XYLT1: variants seen among roughly 807,000 people sequenced by gnomAD.
XYLT1 encodes the protein xylosyltransferase 1, also known as beta-D-xylosyltransferase 1.
XYLT1 carries 36 observed loss-of-function variants against 91.3 expected under a neutral mutation model. The ratio of observed to expected loss-of-function variants is 0.39; its 90% CI spans 0.30 to 0.52. XYLT1 has a LOEUF of 0.52. XYLT1 is among the 20% of genes least tolerant of loss of function. The pLI is 0.68. For missense variants in XYLT1, 1,242 were observed against 1,284.5 expected, an observed-to-expected ratio of 0.97 and a Z score of 0.51; for synonymous variants, 588 against 532.0, an observed-to-expected ratio of 1.11 and a Z score of -1.45.
intron 1 of XYLT1, among the ~76,000 whole-genome samples, chr16:17,363,625 C>T (rs753591384): frequency 1.1e-4 from 17 of 152,148 alleles, no homozygotes; most frequent in Non-Finnish European, 4.4e-5. Context: ...CTGCAACCTC[C>T]GCCTCCTGGG....
chr16:17,461,689 T>C (rs1187545453), intron 1 of XYLT1, among the ~76,000 whole-genome samples: 1 of 152,020 alleles, frequency 6.6e-6, no homozygotes, highest in Non-Finnish European at 1.5e-5. Context: ...AATGCATGCA[T>C]AAATAGATGG....
chr16:17,410,087 C>A (rs1387171660), intron 1 of XYLT1, among the ~76,000 whole-genome samples: 1 of 152,174 alleles, frequency 6.6e-6, no homozygotes, highest in Non-Finnish European at 1.5e-5. Context: ...CTGCCACCAC[C>A]AGGCACAGAC....
chr16:17,322,593 G>A (rs2034740866), intron 2 of XYLT1, among the ~76,000 whole-genome samples: 1 of 152,174 alleles, frequency 6.6e-6, no homozygotes. Context: ...CTCTGCACAT[G>A]CTGCTCCTGA....
Position 17,332,595 on chromosome 16 carries a change from C to T in XYLT1, c.402+25417G>A, listed in dbSNP as rs1286422552. On this transcript the variant is annotated intron_variant, in intron 2 of 11. Transcript: ENST00000261381. ...ACACACACACACACACACACACACA[C>T]ACACACACACACACACGGCTTCCTG... Among the ~76,000 whole-genome samples, 4 of 151,424 alleles carry T rather than the reference C, an allele frequency of 2.6e-5. No individual in the cohort carries two copies. The East Asian group carries it at 7.8e-4, about 29-fold the overall frequency.
At chr16:17,336,929 A>G (rs1351747201) in intron 2 of XYLT1, among the ~76,000 whole-genome samples, 1 of 152,214 alleles carries the variant, frequency 6.6e-6, no homozygotes, top group Non-Finnish European at 1.5e-5. Context: ...CATTTTTTTA[A>G]AAGCCCTTGG....
At position 17,454,903 on chromosome 16, in the gene XYLT1, TC is replaced by T. The variant is rs201490419; in HGVS notation, c.363+15530del. Among the ~76,000 whole-genome samples, 133 of 36,986 alleles carry T rather than the reference TC, an allele frequency of 3.6e-3. 7 individuals are homozygous for T. Among genetic ancestry groups the T allele is most frequent in the African/African-American group, 0.017 (93 of 5,378 alleles). 24.3% of individuals were successfully genotyped at this position (36,986 alleles called of 152,430 possible). A position where few individuals can be genotyped will look rare whatever the true frequency, so the allele number is the denominator to read the frequency against. On this transcript the variant is annotated intron_variant, in intron 1 of 11. Transcript: ENST00000261381. ...CGCGTCACAAAATATCATTCTTTCC[TC>T]CCCCCCCCGCCCCCCCCCGCAACTA...
rs148807442 is a variant in XYLT1, at chr16:17,368,426, G to A, written c.364-10376C>T. On this transcript the variant is annotated intron_variant, in intron 1 of 11. Transcript: ENST00000261381. ...TGAAGATGACAGCCTTGATGACAGC[G>A]CCCAGTAGACCGCTATCATTGGTTA... is the stretch of plus-strand genomic sequence containing the variant. Among the ~76,000 whole-genome samples the A allele has an allele frequency of 4.9e-3, 743 of 152,176 alleles. 4 individuals are homozygous for A. The highest frequency in any genetic ancestry group is 0.017 in the African/African-American group (704 of 41,510).
intron 1 of XYLT1, among the ~76,000 whole-genome samples, chr16:17,439,298 C>G (rs1166654110): frequency 6.6e-6 from 1 of 152,098 alleles, no homozygotes; most frequent in Non-Finnish European, 1.5e-5. Context: ...TTCCAGTTAT[C>G]CCCAAACAAA....
chr16:17,261,000 G>C (rs576695395), intron 2 of XYLT1, among the ~76,000 whole-genome samples: 1 of 152,096 alleles, frequency 6.6e-6, no homozygotes, highest in Non-Finnish European at 1.5e-5. Flanking sequence ...TTGGGAGGCC[G>C]AGGCAGGTGA....
At chr16:17,426,999 G>A (rs1449849170) in intron 1 of XYLT1, among the ~76,000 whole-genome samples, 3 of 152,230 alleles carry the variant, frequency 2.0e-5, no homozygotes, top group African/African-American at 7.2e-5. Context: ...AGAGAAAGGA[G>A]AGTGTGGCTT....
chr16:17,371,614 C>G (rs754373757), intron 1 of XYLT1, among the ~76,000 whole-genome samples: 1 of 152,150 alleles, frequency 6.6e-6, no homozygotes, highest in East Asian at 1.9e-4. Context: ...AGGTACTATA[C>G]GTACTAATTT....
intron 2 of XYLT1, among the ~76,000 whole-genome samples, chr16:17,309,166 C>T (rs2034508763): frequency 6.6e-6 from 1 of 152,124 alleles, no homozygotes; most frequent in Non-Finnish European, 1.5e-5. Context: ...ACATTTTGGG[C>T]TGGATCATTC....
At position 17,435,150 on chromosome 16, in the gene XYLT1, T is replaced by C. The variant is rs531787484; in HGVS notation, c.363+35284A>G. 9.2e-5 allele frequency among the ~76,000 whole-genome samples: 14 copies of C among 152,326 alleles called. No individual in the cohort carries two copies. In the South Asian group the frequency reaches 1.7e-3, roughly 18 times the overall value. ...TTCAGGTCCGGCGTGGCACGCACCA[T>C]ATGCAAGAGTCAGGGGTTACACCAG... is the stretch of plus-strand genomic sequence containing the variant. On this transcript the variant is annotated intron_variant, in intron 1 of 11. Coordinates refer to ENST00000261381, the MANE Select transcript of XYLT1 (RefSeq NM_022166.4).
chr16:17,224,128 G>A (rs2033021661), intron 3 of XYLT1, among the ~76,000 whole-genome samples: 1 of 152,220 alleles, frequency 6.6e-6, no homozygotes, highest in Non-Finnish European at 1.5e-5. Flanking sequence ...AAATACTGAA[G>A]AAGGTAACCT....
intron 2 of XYLT1, among the ~76,000 whole-genome samples, chr16:17,315,632 A>G (rs2034619505): frequency 6.6e-6 from 1 of 152,218 alleles, no homozygotes; most frequent in African/African-American, 2.4e-5. Context: ...GCCCCATAGC[A>G]TAAGACTTGG....
chr16:17,368,530 G>A (rs528249760), intron 1 of XYLT1, among the ~76,000 whole-genome samples: 1 of 146,894 alleles, frequency 6.8e-6, no homozygotes, highest in Non-Finnish European at 1.5e-5. Context: ...TGAAGTGGCT[G>A]TTCCCAGAAG....
At chr16:17,331,356 T>C (rs1198216418) in intron 2 of XYLT1, among the ~76,000 whole-genome samples, 2 of 152,194 alleles carry the variant, frequency 1.3e-5, no homozygotes, top group Non-Finnish European at 2.9e-5. Flanking sequence ...TGACATCAAC[T>C]AACAGCCTGG....
At chr16:17,353,303 T>C (rs1226833850) in intron 2 of XYLT1, among the ~76,000 whole-genome samples, 4 of 152,056 alleles carry the variant, frequency 2.6e-5, no homozygotes, top group Admixed American at 2.0e-4. Flanking sequence ...ATCTCAGTGT[T>C]TGAGTGGAGG....
chr16:17,309,722 G>A (rs185319785), intron 2 of XYLT1, among the ~76,000 whole-genome samples: 71 of 152,304 alleles, frequency 4.7e-4, no homozygotes, highest in African/African-American at 1.7e-3. Flanking sequence ...GGATTCTTTG[G>A]AAGCACTTCT....
Sources: gnomAD v4.1 joint callset for allele counts (sites outside exome capture counted in the v4.1 genomes callset) on GRCh38, gnomAD v4.1.1 for gene constraint, MANE v1.5 for transcripts, NCBI Gene and HGNC (gene_info 2026-07-23, HGNC 2026-07-21) for gene names.